The following ASPRV1 variants were observed in gnomAD, a reference collection of about 807,000 sequenced individuals.
ASPRV1 encodes the protein aspartic peptidase retroviral like 1.
In ASPRV1, 7 loss-of-function variants were observed where a neutral mutation model predicts 11.0. The ratio of observed to expected loss-of-function variants is 0.64; its 90% CI spans 0.36 to 1.20. The LOEUF (loss-of-function observed/expected upper bound fraction) is 1.20, where lower values mean the gene tolerates loss of function less well. ASPRV1 is among the 50% of genes most tolerant of loss of function. The probability of loss-of-function intolerance (pLI) is 0.02; values close to 1 mark genes in which losing one functional copy is unlikely to be tolerated. For missense variants in ASPRV1, 299 were observed against 320.0 expected (o/e 0.93, Z 0.50); for synonymous variants, 136 against 138.4 (o/e 0.98, Z 0.12).
the ASPRV1 span, among the ~76,000 whole-genome samples, chr2:70,076,372 CTTTG>C: frequency 1.3e-5 from 2 of 152,164 alleles, no homozygotes; most frequent in African/African-American, 2.4e-5. Context: ...TTCTCTAAGC[CTTTG>C]TTTATCCATC....
At chr2:69,991,427 GTCT>G in the ASPRV1 span, among the ~76,000 whole-genome samples, 1 of 152,100 alleles carries the variant, frequency 6.6e-6, no homozygotes, top group African/African-American at 2.4e-5. Flanking sequence ...CTTGTAAAAT[GTCT>G]TCTTTTTTCC....
downstream of ASPRV1, among the ~76,000 whole-genome samples, chr2:69,957,304 A>G (rs567377005): frequency 6.6e-6 from 1 of 152,254 alleles, no homozygotes; most frequent in South Asian, 2.1e-4. Flanking sequence ...GAGAAAAGGA[A>G]TGAGAATGAG....
At chr2:69,977,837 G>C in the ASPRV1 span, among the ~76,000 whole-genome samples, 9 of 152,210 alleles carry the variant, frequency 5.9e-5, no homozygotes, top group African/African-American at 2.2e-4. Flanking sequence ...TCCAGAGGGG[G>C]GAGTGAAGAA....
chr2:70,042,896 T>C, the ASPRV1 span, among the ~76,000 whole-genome samples: 3 of 152,058 alleles, frequency 2.0e-5, no homozygotes, highest in Non-Finnish European at 4.4e-5. Flanking sequence ...AAGCTAAAAG[T>C]CTGGATCAAA....
chr2:69,959,515 G>T (rs139146783), downstream of ASPRV1, among the ~76,000 whole-genome samples: 705 of 152,150 alleles, frequency 4.6e-3, 4 homozygotes, highest in African/African-American at 0.016. Context: ...TCCCAGATCT[G>T]GGAATGTCCT....
the ASPRV1 span, among the ~76,000 whole-genome samples, chr2:70,060,693 G>GT: frequency 6.6e-6 from 1 of 152,200 alleles, no homozygotes; most frequent in African/African-American, 2.4e-5. Context: ...GCACATGCCT[G>GT]TAATCCCAGC....
At chr2:70,043,433 A>G in the ASPRV1 span, among the ~76,000 whole-genome samples, 1 of 152,092 alleles carries the variant, frequency 6.6e-6, no homozygotes, top group Non-Finnish European at 1.5e-5. Context: ...TAAAAAAAAA[A>G]AAGTTGTATG....
upstream of ASPRV1, chr2:69,964,091 T>C (rs1005210518): frequency 1.5e-5 from 3 of 205,798 alleles, no homozygotes; most frequent in African/African-American, 7.0e-5. Flanking sequence ...ATCACACCCC[T>C]GCATGGAAGC....
At chr2:70,042,556 G>A in the ASPRV1 span, among the ~76,000 whole-genome samples, 1 of 152,162 alleles carries the variant, frequency 6.6e-6, no homozygotes, top group Non-Finnish European at 1.5e-5. Context: ...AAGGTGAGAT[G>A]GAGGGAAAGC....
the ASPRV1 span, among the ~76,000 whole-genome samples, chr2:70,063,051 G>C: frequency 6.6e-6 from 1 of 152,122 alleles, no homozygotes; most frequent in Non-Finnish European, 1.5e-5. Context: ...AGACTGCCCA[G>C]TCTGTGCACA....
chr2:69,990,344 C>T, the ASPRV1 span, among the ~76,000 whole-genome samples: 10 of 151,950 alleles, frequency 6.6e-5, no homozygotes, highest in Non-Finnish European at 1.2e-4. Context: ...CCACCATGTC[C>T]GGCTAATATT....
the ASPRV1 span, among the ~76,000 whole-genome samples, chr2:70,057,496 TG>T: frequency 6.6e-6 from 1 of 152,098 alleles, no homozygotes; most frequent in Admixed American, 6.6e-5. Flanking sequence ...TTTTTTTTTT[TG>T]AAACAGGATC....
the ASPRV1 span, chr2:69,938,367 C>A: frequency 8.4e-6 from 12 of 1,427,708 alleles, no homozygotes; most frequent in Non-Finnish European, 1.1e-5. Flanking sequence ...CCCACAACTC[C>A]CTTGCACGTA....
the ASPRV1 span, chr2:69,993,947 T>C: frequency 3.9e-5 from 6 of 152,252 alleles, no homozygotes; most frequent in African/African-American, 1.2e-4. Context: ...GCTCCACAGA[T>C]GTCAGCGAAG....
At chr2:69,999,601 A>G in the ASPRV1 span, among the ~76,000 whole-genome samples, 1 of 145,066 alleles carries the variant, frequency 6.9e-6, no homozygotes, top group Non-Finnish European at 1.5e-5. Context: ...GGTTTCAGTG[A>G]GCTGAAATCG....
chr2:70,006,104 C>G, the ASPRV1 span, among the ~76,000 whole-genome samples: 5 of 152,226 alleles, frequency 3.3e-5, no homozygotes, highest in Non-Finnish European at 7.3e-5. Flanking sequence ...TGTGCACATG[C>G]ACATGCCCAT....
the ASPRV1 span, among the ~76,000 whole-genome samples, chr2:70,048,182 G>A: frequency 2.0e-5 from 3 of 148,646 alleles, no homozygotes; most frequent in East Asian, 6.0e-4. Flanking sequence ...TTGGGAGGCC[G>A]AGGCGGGCAG....
At chr2:70,070,980 G>A in the ASPRV1 span, among the ~76,000 whole-genome samples, 3 of 152,048 alleles carry the variant, frequency 2.0e-5, no homozygotes, top group East Asian at 5.8e-4. Flanking sequence ...ACAGTCCCTG[G>A]CAGTCTGGGT....
the ASPRV1 span, among the ~76,000 whole-genome samples, chr2:70,033,651 A>C: frequency 1.3e-5 from 2 of 152,212 alleles, no homozygotes; most frequent in Admixed American, 1.3e-4. Context: ...GTAGTGGTAA[A>C]GGGAATGGAA....
Sources: gnomAD v4.1 joint callset for allele counts (sites outside exome capture counted in the v4.1 genomes callset) on GRCh38, gnomAD v4.1.1 for gene constraint, MANE v1.5 for transcripts, NCBI Gene and HGNC (gene_info 2026-07-23, HGNC 2026-07-21) for gene names.